The following TTLL10 variants were observed in gnomAD, a reference collection of about 807,000 sequenced individuals.
TTLL10 encodes the protein inactive polyglycylase TTLL10.
Under a neutral mutation model 69.0 loss-of-function variants are expected in TTLL10, and 61 were observed. The ratio of observed to expected loss-of-function variants is 0.88; its 90% CI spans 0.72 to 1.09. The LOEUF is 1.09. TTLL10 is among the 50% of genes least tolerant of loss of function. The probability of loss-of-function intolerance (pLI) is 0.00; values close to 1 mark genes in which losing one functional copy is unlikely to be tolerated. For missense variants in TTLL10, 962 were observed against 945.9 expected (o/e 1.02, Z -0.22); for synonymous variants, 408 against 393.3 (o/e 1.04, Z -0.44).
At position 1,196,978 on chromosome 1, in the gene TTLL10, C is replaced by A. The variant is rs372304905; in HGVS notation, c.1519-115C>A. On this transcript the variant is annotated intron_variant, in intron 14 of 15. Transcript: ENST00000379289. ...TCAGTGGACAAACAGGGGAGCAAGG[C>A]TATAGGAAGGAAGCAATCTCCCAGA... is the stretch of plus-strand genomic sequence containing the variant. 9 of 1,039,680 alleles carry A rather than the reference C, an allele frequency of 8.7e-6. 1 individual carries two copies. Among genetic ancestry groups the A allele is most frequent in the East Asian group, 7.8e-5 (3 of 38,350 alleles). The allele number at this position is 1,039,680 out of a possible 1,614,324, so 64.4% of individuals were successfully genotyped here. A position where few individuals can be genotyped will look rare whatever the true frequency, so the allele number is the denominator to read the frequency against.
At position 1,180,460 on chromosome 1, in the gene TTLL10, A is replaced by ACCCC. The variant is rs57269982; in HGVS notation, c.507-21_507-18dup. The ACCCC allele has an allele frequency of 3.6e-6, 4 of 1,107,342 alleles. No individual in the cohort carries two copies. The Admixed American group carries it at 6.7e-5, about 19-fold the overall frequency. The allele number at this position is 1,107,342 out of a possible 1,614,324, so 68.6% of individuals were successfully genotyped here. A position where few individuals can be genotyped will look rare whatever the true frequency, so the allele number is the denominator to read the frequency against. On this transcript the variant is annotated intron_variant, in intron 6 of 15. Transcript: ENST00000379289. ...AACCCCTTGCCTCGGCCCCCAGGTC[A>ACCCC]CCCCCGCCCCCACCCCTCGCAGCAT...
chr1:1,180,525 T>C lies in TTLL10; in HGVS notation c.549T>C (p.His183=). The change falls in exon 7 of 16, where the codon CAT becomes CAC. Residue 183 remains histidine, a synonymous_variant. Transcript: ENST00000379289. ...AAAGCAAGGGCTGGCAGCGCATCCA[T>C]GACAGCCGCCGGGACGACTACACGC... ...YCKSKGWQRI[H]DSRRDDYTLK... is the part of the protein sequence containing the mutation. 2.0e-6 allele frequency: 3 copies of C among 1,510,172 alleles called. No individual in the cohort carries two copies. The highest frequency in any genetic ancestry group is 2.7e-6 in the Non-Finnish European group (3 of 1,122,602). The allele number at this position is 1,510,172 out of a possible 1,614,324, so 93.5% of individuals were successfully genotyped here. A position where few individuals can be genotyped will look rare whatever the true frequency, so the allele number is the denominator to read the frequency against.
chr1:1,185,284 T>C lies in TTLL10; in HGVS notation c.1401+175T>C. The C allele has an allele frequency of 1.4e-6, 2 of 1,413,606 alleles. No homozygotes were observed. The highest frequency in any genetic ancestry group is 1.8e-6 in the Non-Finnish European group (2 of 1,086,868). The allele number at this position is 1,413,606 out of a possible 1,614,324, so 87.6% of individuals were successfully genotyped here. A position where few individuals can be genotyped will look rare whatever the true frequency, so the allele number is the denominator to read the frequency against. On this transcript the variant is annotated intron_variant, in intron 13 of 15. Transcript: ENST00000379289. The surrounding 1 kb of genome is among the most constrained non-coding windows in gnomAD (Gnocchi z 6.1). ...GCGTCTCTGCTCACTTAGCTGGCAG[T>C]GCCTGTCCCCAGCAGCCAGCAAAGG...
chr1:1,180,661 G>A (rs570521645), intron 7 of TTLL10, 60 bp downstream of exon 7: 142 of 1,559,240 alleles, frequency 9.1e-5, no homozygotes, highest in Middle Eastern at 5.0e-4. Context: ...CCGGAGCACA[G>A]GGCAGGTTGG....
chr1:1,184,497 C>A (rs1164180161), intron 12 of TTLL10, among the ~76,000 whole-genome samples: 3 of 152,168 alleles, frequency 2.0e-5, no homozygotes, highest in Non-Finnish European at 4.4e-5. Flanking sequence ...ATGGGAGAGT[C>A]CAGGGTAGGG....
chr1:1,180,461 C>G, intron 6 of TTLL10, 22 bp from the exon 7 acceptor site: 1 of 1,511,686 alleles, frequency 6.6e-7, no homozygotes, highest in Non-Finnish European at 8.9e-7. Context: ...CCCCAGGTCA[C>G]CCCCGCCCCC....
Position 1,182,958 on chromosome 1 carries a change from C to T in TTLL10, c.999C>T (p.Ala333=), listed in dbSNP as rs770367062. ...TGCTCCGGAACCAGGAGGAAGTTGC[C>T]GCCCTGCAGGCCAAGACCCGGAGCA... is the stretch of plus-strand genomic sequence containing the variant. The part of the protein sequence containing the change: ...IFLLRNQEEV[A]ALQAKTRSME... The change falls in exon 11 of 16, where the codon GCC becomes GCT. Residue 333 remains alanine, a synonymous_variant. Coordinates refer to ENST00000379289, the MANE Select transcript of TTLL10 (RefSeq NM_001130045.2). 82 of 1,603,752 alleles carry T rather than the reference C, an allele frequency of 5.1e-5. 1 individual carries two copies. In the Admixed American group the frequency reaches 6.6e-4, roughly 13 times the overall value.
chr1:1,179,852 A>G, intron 5 of TTLL10, 115 bp downstream of exon 5: 2 of 1,449,130 alleles, frequency 1.4e-6, no homozygotes, highest in African/African-American at 2.8e-5. Context: ...CCCTCCCCAG[A>G]TGTAAGCAGT....
rs1220385701 is a variant in TTLL10, at chr1:1,182,857, C to T, written c.917-19C>T. 5 of 1,544,058 alleles carry T rather than the reference C, an allele frequency of 3.2e-6. No individual in the cohort carries two copies. In the Admixed American group the frequency reaches 7.7e-5, roughly 24 times the overall value. On this transcript the variant is annotated intron_variant, in intron 10 of 15. Coordinates refer to ENST00000379289, the MANE Select transcript of TTLL10 (RefSeq NM_001130045.2). ...TGGGTTGGGGGCGAGGCCAGGGGCT[C>T]AGGCCGCGCTCTCTGCAGAAACCCA...
intron 5 of TTLL10, 109 bp from the exon 6 acceptor site, chr1:1,179,925 A>G (rs1201753020): frequency 7.0e-7 from 1 of 1,438,204 alleles, no homozygotes; most frequent in African/African-American, 1.4e-5. Flanking sequence ...GGCCAGGGGG[A>G]TTGTCCAGGG....
intron 13 of TTLL10, among the ~76,000 whole-genome samples, chr1:1,186,254 A>G (rs1036052547): frequency 3.3e-5 from 5 of 151,990 alleles, no homozygotes; most frequent in Non-Finnish European, 7.4e-5. Context: ...ACGCGCGGCT[A>G]ATTTTTGTAT....
At chr1:1,183,362 C>A (rs1421888615) in intron 11 of TTLL10, among the ~76,000 whole-genome samples, 1 of 152,190 alleles carries the variant, frequency 6.6e-6, no homozygotes, top group Non-Finnish European at 1.5e-5. Context: ...GCCCAGCCAG[C>A]CAGCTGCAGC....
rs1233718276 is a variant in TTLL10, at chr1:1,192,466, TAG to T, written c.1402-4132_1402-4131del. Among the ~76,000 whole-genome samples, 3 of 152,204 alleles carry T rather than the reference TAG, an allele frequency of 2.0e-5. No individual in the cohort carries two copies. In the East Asian group the frequency reaches 5.8e-4, roughly 29 times the overall value. ...GTAGACACTCCAGTTGGTATGAGTG[TAG>T]ACACTCCAGTTCGTATCAGTGTAGA... On this transcript the variant is annotated intron_variant, in intron 13 of 15. Transcript: ENST00000379289.
intron 13 of TTLL10, among the ~76,000 whole-genome samples, chr1:1,193,699 A>G (rs1648002969): frequency 6.6e-6 from 1 of 152,122 alleles, no homozygotes; most frequent in Non-Finnish European, 1.5e-5. Context: ...TGCTGACCTC[A>G]GGTGATCTAC....
At chr1:1,191,303 A>G (rs1034473021) in intron 13 of TTLL10, among the ~76,000 whole-genome samples, 2 of 152,134 alleles carry the variant, frequency 1.3e-5, no homozygotes, top group Non-Finnish European at 2.9e-5. Context: ...TTATTGAAAA[A>G]TTATTGGAGC....
chr1:1,184,209 G>A (rs1360826717), intron 12 of TTLL10, 118 bp downstream of exon 12: 2 of 1,436,726 alleles, frequency 1.4e-6, no homozygotes, highest in Admixed American at 1.8e-5. Flanking sequence ...CCCAGGCCGG[G>A]AGGTGTCTCA....
chr1:1,182,648 G>A (rs550565131), intron 10 of TTLL10, among the ~76,000 whole-genome samples: 20 of 151,938 alleles, frequency 1.3e-4, no homozygotes, highest in African/African-American at 3.1e-4. Flanking sequence ...TCTGGCCTTC[G>A]TGGAGGTTGG....
intron 10 of TTLL10, 50 bp from the exon 11 acceptor site, chr1:1,182,826 C>T (rs764381242): frequency 1.7e-5 from 25 of 1,500,594 alleles, no homozygotes; most frequent in East Asian, 2.5e-5. Context: ...CTAGGAGGGG[C>T]GTGGCTGGGT....
chr1:1,179,094 G>A (rs762321198), intron 3 of TTLL10, 95 bp from the exon 4 acceptor site: 9 of 819,238 alleles, frequency 1.1e-5, no homozygotes, highest in African/African-American at 1.8e-5. Context: ...CCTTTCCTGG[G>A]CAGGGTGGGC....
Sources: gnomAD v4.1 joint callset for allele counts (sites outside exome capture counted in the v4.1 genomes callset) on GRCh38, gnomAD v4.1.1 for gene constraint, Gnocchi (gnomAD v3.1) non-coding constraint, MANE v1.5 for transcripts, NCBI Gene and HGNC (gene_info 2026-07-23, HGNC 2026-07-21) for gene names.